LRRC9: variants seen among roughly 807,000 people sequenced by gnomAD.
LRRC9 encodes leucine-rich repeat-containing protein 9.
LRRC9 carries 122 observed loss-of-function variants against 63.2 expected under a neutral mutation model. The ratio of observed to expected loss-of-function variants is 1.93; its 90% CI spans 1.67 to 2.24. The LOEUF is 2.24. Ranked by LOEUF, LRRC9 falls within the 30% of genes most tolerant of loss-of-function variation. The probability of loss-of-function intolerance (pLI) is 0.00; values close to 1 mark genes in which losing one functional copy is unlikely to be tolerated. For missense variants in LRRC9, 1,071 were observed against 627.7 expected (o/e 1.71, Z -7.55); for synonymous variants, 366 against 213.1 (o/e 1.72, Z -6.25).
chr14:59,975,985 C>A (rs1407466444), intron 13 of LRRC9, among the ~76,000 whole-genome samples: 1 of 152,232 alleles, frequency 6.6e-6, no homozygotes, highest in African/African-American at 2.4e-5. Context: ...TGCATTACCG[C>A]ATGAGCTCCG....
intron 31 of LRRC9, among the ~76,000 whole-genome samples, chr14:60,062,699 A>G (rs1167486369): frequency 1.3e-5 from 2 of 152,166 alleles, no homozygotes; most frequent in East Asian, 3.8e-4. Context: ...GCTAGTTCTC[A>G]TTAAGAATAC....
chr14:59,947,900 G>A (rs992914560), intron 8 of LRRC9, among the ~76,000 whole-genome samples: 2 of 151,508 alleles, frequency 1.3e-5, no homozygotes, highest in South Asian at 2.1e-4. Flanking sequence ...ATGCTGTTTT[G>A]GTTACTGTAG....
At chr14:60,018,645 A>C (rs1475200923) in intron 25 of LRRC9, among the ~76,000 whole-genome samples, 166 bp downstream of exon 25, 1 of 151,622 alleles carries the variant, frequency 6.6e-6, no homozygotes, top group Non-Finnish European at 1.5e-5. Flanking sequence ...ATTACCTTCC[A>C]AAGTGATTTT....
chr14:59,975,034 C>CATATGTAT (rs1885975511), intron 13 of LRRC9, among the ~76,000 whole-genome samples: 2 of 81,026 alleles, frequency 2.5e-5, no homozygotes, highest in Admixed American at 2.9e-4. Flanking sequence ...TGTGTCACAG[C>CATATGTAT]ATATATATAT....
chr14:59,932,765 A>C lies in LRRC9; in HGVS notation c.543+726A>C, dbSNP rs1304927954. Among the ~76,000 whole-genome samples, 1 of 152,036 alleles carries C rather than the reference A, an allele frequency of 6.6e-6. No individual in the cohort carries two copies. The highest frequency in any genetic ancestry group is 1.5e-5 in the Non-Finnish European group (1 of 67,982). On this transcript the variant is annotated intron_variant, in intron 6 of 31. Transcript: ENST00000445360. This position sits in a 1 kb window ranked among gnomAD's most constrained non-coding sequence, Gnocchi z 4.7. Reference sequence around the variant, plus strand: ...TCATCTCTAACCTGCATTAATGAAAAATATCTTCCTAACAATTTTTCCTGT... The same window carrying C: ...TCATCTCTAACCTGCATTAATGAAACATATCTTCCTAACAATTTTTCCTGT...
rs572045440 is a variant in LRRC9, at chr14:59,925,704, T to C, written c.-33-2207T>C. 5.3e-5 allele frequency among the ~76,000 whole-genome samples: 8 copies of C among 152,334 alleles called. No homozygotes were observed. The South Asian group carries it at 1.7e-3, about 32-fold the overall frequency. ...CAAACTCCTTTGATTTGGTCCCTTA[T>C]ATATAATACACAGCTACCCCTTCCC... is the stretch of plus-strand genomic sequence containing the variant. On this transcript the variant is annotated intron_variant, in intron 1 of 31. Transcript: ENST00000445360.
At chr14:60,044,658 A>G (rs1893254617) in intron 29 of LRRC9, among the ~76,000 whole-genome samples, 1 of 152,112 alleles carries the variant, frequency 6.6e-6, no homozygotes, top group Non-Finnish European at 1.5e-5. Flanking sequence ...AAGATACTTG[A>G]TATTATTTGT....
chr14:60,058,285 A>G lies in LRRC9; in HGVS notation c.4276+263A>G, dbSNP rs1894426400. On this transcript the variant is annotated intron_variant, in intron 31 of 31. Transcript: ENST00000445360. This position sits in a 1 kb window ranked among gnomAD's most constrained non-coding sequence, Gnocchi z 4.4. Reference sequence around the variant, plus strand: ...TCACTTGCAATGTGAACTTTGTGATACTTGAACAATTATTTCCTGACATAT... The same window carrying G: ...TCACTTGCAATGTGAACTTTGTGATGCTTGAACAATTATTTCCTGACATAT... 6.6e-6 allele frequency among the ~76,000 whole-genome samples: 1 copy of G among 152,116 alleles called. No homozygotes were observed. The highest frequency in any genetic ancestry group is 6.6e-5 in the Admixed American group (1 of 15,264).
intron 29 of LRRC9, among the ~76,000 whole-genome samples, chr14:60,052,573 C>G (rs1893974786): frequency 6.6e-6 from 1 of 152,166 alleles, no homozygotes; most frequent in South Asian, 2.1e-4. Flanking sequence ...CACCAAATAC[C>G]TAAAACCAGC....
intron 8 of LRRC9, among the ~76,000 whole-genome samples, chr14:59,959,219 C>A (rs1486402229): frequency 6.6e-6 from 1 of 152,028 alleles, no homozygotes; most frequent in Non-Finnish European, 1.5e-5. Flanking sequence ...TTAAAATATC[C>A]AAATTAATGC....
exon 28 of LRRC9, chr14:60,028,036 G>C (rs575375659): frequency 6.6e-5 from 46 of 701,716 alleles, no homozygotes; most frequent in African/African-American, 4.0e-4. Context: ...CAGACTACGA[G>C]AACTGGGCAA....
At chr14:59,994,571 T>C (rs910299464) in intron 17 of LRRC9, among the ~76,000 whole-genome samples, 6 of 152,200 alleles carry the variant, frequency 3.9e-5, no homozygotes, top group South Asian at 4.1e-4. Context: ...CATATGTTTA[T>C]TGCAGCACTA....
At chr14:60,034,836 G>C (rs1892297728) in intron 29 of LRRC9, among the ~76,000 whole-genome samples, 1 of 152,114 alleles carries the variant, frequency 6.6e-6, no homozygotes, top group African/African-American at 2.4e-5. Flanking sequence ...TTGATGTATT[G>C]ATTTCCTTCC....
intron 8 of LRRC9, among the ~76,000 whole-genome samples, chr14:59,957,169 G>A (rs1215801935): frequency 6.6e-6 from 1 of 152,084 alleles, no homozygotes; most frequent in Non-Finnish European, 1.5e-5. Context: ...GTGAATATTG[G>A]CCTGTCTTGC....
intron 1 of LRRC9, among the ~76,000 whole-genome samples, chr14:59,924,580 C>T (rs1889047464): frequency 6.6e-6 from 1 of 152,242 alleles, no homozygotes; most frequent in Non-Finnish European, 1.5e-5. Flanking sequence ...ATTATTACAA[C>T]TGCCCATTAA....
rs1404439108 is a variant in LRRC9, at chr14:60,053,793, TTCTG to T, written c.4131+592_4131+595del. 3.9e-4 allele frequency: 147 copies of T among 380,874 alleles called. 2 individuals are homozygous for T. Among genetic ancestry groups the T allele is most frequent in the South Asian group, 2.8e-3 (139 of 50,348 alleles). The allele number at this position is 380,874 out of a possible 1,614,324, so 23.6% of individuals were successfully genotyped here. ...ATAATAAAAGCATGTCATTTGAAAA[TTCTG>T]TCTTTGACCACCTAGTTTCTTCATG... On this transcript the variant is annotated intron_variant, in intron 30 of 31. Coordinates refer to ENST00000445360, the Ensembl canonical transcript of LRRC9. The surrounding 1 kb of genome is among the most constrained non-coding windows in gnomAD (Gnocchi z 4.8).
intron 17 of LRRC9, among the ~76,000 whole-genome samples, chr14:59,991,701 A>G (rs906402786): frequency 1.3e-5 from 2 of 152,186 alleles, no homozygotes; most frequent in African/African-American, 2.4e-5. Context: ...TCCTACGCCC[A>G]TGGAGCCTCA....
At chr14:60,022,819 A>G in exon 27 of LRRC9, 1 of 688,138 alleles carries the variant, frequency 1.5e-6, no homozygotes, top group South Asian at 1.5e-5. Flanking sequence ...TTGTAATTTG[A>G]TCCAGCTACA....
intron 4 of LRRC9, among the ~76,000 whole-genome samples, chr14:59,931,303 A>C (rs1889684465): frequency 6.6e-6 from 1 of 152,106 alleles, no homozygotes; most frequent in South Asian, 2.1e-4. Context: ...TTGAAGGTTT[A>C]AAAATAAAAA....
Sources: gnomAD v4.1 joint callset for allele counts (sites outside exome capture counted in the v4.1 genomes callset) on GRCh38, gnomAD v4.1.1 for gene constraint, Gnocchi (gnomAD v3.1) non-coding constraint, MANE v1.5 for transcripts, NCBI Gene and HGNC (gene_info 2026-07-23, HGNC 2026-07-21) for gene names.